The following GPHN variants were observed in gnomAD, a reference collection of about 807,000 sequenced individuals.
GPHN encodes the protein gephyrin.
In GPHN, 17 loss-of-function variants were observed where a neutral mutation model predicts 95.5. The observed-to-expected ratio is 0.18, with a 90% CI of 0.12 to 0.27. The LOEUF is 0.27. GPHN is among the 10% of genes least tolerant of loss of function. GPHN has a pLI of 1.00. For missense variants in GPHN, 660 were observed against 978.1 expected (o/e 0.67, Z 4.34); for synonymous variants, 320 against 322.5 (o/e 0.99, Z 0.08).
At chr14:67,073,491 GTTAA>G (rs1262722206) in intron 11 of GPHN, among the ~76,000 whole-genome samples, 23 of 152,132 alleles carry the variant, frequency 1.5e-4, no homozygotes, top group East Asian at 3.9e-4. Flanking sequence ...CCCCTTTCAT[GTTAA>G]TTAAGTTAAA....
chr14:66,661,351 C>G (rs1053569785), intron 1 of GPHN, among the ~76,000 whole-genome samples: 13 of 152,120 alleles, frequency 8.5e-5, no homozygotes, highest in African/African-American at 3.1e-4. Flanking sequence ...GAGTCCAAAC[C>G]AACTGGGCAT....
At chr14:66,833,465 A>T (rs1223301642) in intron 4 of GPHN, among the ~76,000 whole-genome samples, 1 of 152,090 alleles carries the variant, frequency 6.6e-6, no homozygotes. Context: ...ACACAGCCAA[A>T]CCATATCACT....
the GPHN span, among the ~76,000 whole-genome samples, chr14:67,544,688 C>G: frequency 6.6e-6 from 1 of 152,146 alleles, no homozygotes; most frequent in Non-Finnish European, 1.5e-5. Flanking sequence ...GACTTGAAAA[C>G]TAAATAGAAC....
At chr14:66,809,802 C>T (rs2060689512) in intron 3 of GPHN, among the ~76,000 whole-genome samples, 1 of 152,094 alleles carries the variant, frequency 6.6e-6, no homozygotes, top group Non-Finnish European at 1.5e-5. Flanking sequence ...CCAGAGGATT[C>T]GTGGAAGAAA....
chr14:67,426,557 T>C, the GPHN span, among the ~76,000 whole-genome samples: 1 of 152,122 alleles, frequency 6.6e-6, no homozygotes, highest in Non-Finnish European at 1.5e-5. Context: ...ACAGTGTGGA[T>C]AATGTCTATT....
At chr14:67,562,487 C>T in the GPHN span, 101 of 1,613,182 alleles carry the variant, frequency 6.3e-5, no homozygotes, top group Non-Finnish European at 8.1e-5. Context: ...GGGTGAGGGT[C>T]TGGTTACTGC....
the GPHN span, among the ~76,000 whole-genome samples, chr14:67,419,117 A>G: frequency 1.3e-5 from 2 of 152,164 alleles, no homozygotes; most frequent in African/African-American, 4.8e-5. Flanking sequence ...CTGGATATAG[A>G]TAAGAGCCCC....
chr14:67,487,573 T>C, the GPHN span, among the ~76,000 whole-genome samples: 3 of 152,192 alleles, frequency 2.0e-5, no homozygotes. Flanking sequence ...AGGCAGACAA[T>C]GTAGGACATT....
the GPHN span, among the ~76,000 whole-genome samples, chr14:67,394,060 G>A: frequency 2.0e-4 from 31 of 152,114 alleles, no homozygotes; most frequent in African/African-American, 7.5e-4. Context: ...CCCCTTGCAG[G>A]TAGGTTTGTT....
intron 1 of GPHN, among the ~76,000 whole-genome samples, chr14:66,569,782 C>T (rs1444708290): frequency 1.3e-5 from 2 of 151,848 alleles, no homozygotes; most frequent in African/African-American, 4.8e-5. Context: ...GTATGCATTA[C>T]CTCACATATT....
intron 1 of GPHN, among the ~76,000 whole-genome samples, chr14:66,526,653 A>G (rs1195026393): frequency 1.3e-5 from 2 of 152,168 alleles, no homozygotes; most frequent in South Asian, 2.1e-4. Context: ...GATACATTCC[A>G]TCAATACCTA....
At chr14:67,468,805 A>G in the GPHN span, among the ~76,000 whole-genome samples, 43,355 of 151,936 alleles carry the variant, frequency 0.29, 6,868 homozygotes, top group African/African-American at 0.44. Flanking sequence ...TGAGGCAGGA[A>G]AATCACTTAA....
the GPHN span, among the ~76,000 whole-genome samples, chr14:67,415,703 A>G: frequency 2.0e-5 from 3 of 152,242 alleles, no homozygotes; most frequent in Non-Finnish European, 4.4e-5. Flanking sequence ...CACTATTCAC[A>G]ATAGCAAAGA....
intron 9 of GPHN, among the ~76,000 whole-genome samples, chr14:67,023,047 TAATC>T (rs1387765200): frequency 6.6e-6 from 1 of 152,070 alleles, no homozygotes; most frequent in East Asian, 1.9e-4. Context: ...GCATATTTCA[TAATC>T]AATATTATAA....
the GPHN span, among the ~76,000 whole-genome samples, chr14:67,318,267 A>G: frequency 2.0e-5 from 3 of 152,254 alleles, no homozygotes; most frequent in African/African-American, 4.8e-5. Flanking sequence ...ATAAAACATT[A>G]TAGATCATTA....
At chr14:66,970,007 T>C (rs1481386834) in intron 9 of GPHN, among the ~76,000 whole-genome samples, 1 of 151,762 alleles carries the variant, frequency 6.6e-6, no homozygotes, top group Non-Finnish European at 1.5e-5. Flanking sequence ...AGTAAGTAAA[T>C]ATAGTCTATA....
intron 2 of GPHN, among the ~76,000 whole-genome samples, chr14:66,687,387 T>A (rs2067445229): frequency 6.6e-6 from 1 of 152,146 alleles, no homozygotes; most frequent in African/African-American, 2.4e-5. Flanking sequence ...TTGTGATGAA[T>A]GTCATTGGTA....
chr14:67,121,623 T>C (rs1403214582), intron 16 of GPHN, among the ~76,000 whole-genome samples: 1 of 152,206 alleles, frequency 6.6e-6, no homozygotes, highest in Non-Finnish European at 1.5e-5. Flanking sequence ...ATAAGCTTCG[T>C]TAATTTTCTT....
chr14:66,571,153 A>C (rs1296889072), intron 1 of GPHN, among the ~76,000 whole-genome samples: 1 of 152,188 alleles, frequency 6.6e-6, no homozygotes, highest in Non-Finnish European at 1.5e-5. Flanking sequence ...GAAACTTAAC[A>C]ATCATGGCAG....
Sources: allele counts gnomAD v4.1 joint callset (sites outside exome capture counted in the v4.1 genomes callset), GRCh38; gene constraint gnomAD v4.1.1; transcripts MANE v1.5; gene names NCBI Gene and HGNC (gene_info 2026-07-23, HGNC 2026-07-21).